PCBP2: variants seen among roughly 807,000 people sequenced by gnomAD.
PCBP2 encodes poly(rC) binding protein 2.
PCBP2 carries 4 observed loss-of-function variants against 50.1 expected under a neutral mutation model. That is an observed-to-expected ratio of 0.08 (90% CI 0.04 to 0.18). PCBP2 has a LOEUF of 0.18. PCBP2 is among the 10% of genes least tolerant of loss of function. The pLI is 1.00. For missense variants in PCBP2, 161 were observed against 474.3 expected (o/e 0.34, Z 6.14); for synonymous variants, 179 against 168.0 (o/e 1.07, Z -0.51).
chr12:53,462,678 G>T, intron 8 of PCBP2, 111 bp downstream of exon 8: 1 of 745,924 alleles, frequency 1.3e-6, no homozygotes, highest in Non-Finnish European at 2.1e-6. Context: ...CCTATACTCT[G>T]GCCATAGTTT....
intron 9 of PCBP2, among the ~76,000 whole-genome samples, chr12:53,465,487 A>T (rs1941752918): frequency 6.6e-6 from 1 of 152,162 alleles, no homozygotes; most frequent in African/African-American, 2.4e-5. Flanking sequence ...GAAGTGTTTT[A>T]AAACATACCA....
intron 6 of PCBP2, chr12:53,459,731 C>T (rs977537984): frequency 1.4e-5 from 4 of 279,510 alleles, no homozygotes; most frequent in Non-Finnish European, 2.2e-5. Flanking sequence ...ATAGTAGCAA[C>T]GGTTTTTCTA....
intron 12 of PCBP2, chr12:53,468,518 C>T (rs1941975798): frequency 1.2e-5 from 6 of 502,068 alleles, no homozygotes; most frequent in Non-Finnish European, 2.1e-5. Context: ...TTGCTTCCAT[C>T]CCCCATCCCT....
At chr12:53,455,416 G>T (rs759349413) in intron 3 of PCBP2, 45 bp from the exon 4 acceptor site, 2 of 1,613,850 alleles carry the variant, frequency 1.2e-6, no homozygotes, top group Non-Finnish European at 1.7e-6. Flanking sequence ...AGTAATTCTG[G>T]ATTGAAGTAG....
At chr12:53,455,407 G>A in intron 3 of PCBP2, 37 bp downstream of exon 3, 1 of 1,613,838 alleles carries the variant, frequency 6.2e-7, no homozygotes, top group Admixed American at 1.7e-5. Flanking sequence ...TTACCATTTA[G>A]TAATTCTGGA....
At chr12:53,464,679 C>CT (rs1307148685) in intron 8 of PCBP2, 81 bp from the exon 9 acceptor site, 4 of 1,543,768 alleles carry the variant, frequency 2.6e-6, no homozygotes, top group East Asian at 4.9e-5. Context: ...AAATAAACAA[C>CT]TTTTTTTGTG....
chr12:53,469,656 G>A (rs1286614601), intron 13 of PCBP2, among the ~76,000 whole-genome samples: 1 of 152,120 alleles, frequency 6.6e-6, no homozygotes, highest in African/African-American at 2.4e-5. Flanking sequence ...AAACCCGGGA[G>A]GCGGAGGTTG....
At chr12:53,463,977 G>A (rs1941629694) in intron 8 of PCBP2, among the ~76,000 whole-genome samples, 1 of 152,120 alleles carries the variant, frequency 6.6e-6, no homozygotes, top group Non-Finnish European at 1.5e-5. Context: ...CAGGAAGGTC[G>A]GTTATGTCAC....
At chr12:53,468,431 CAACAG>C (rs767465201) in intron 12 of PCBP2, 26 of 298,596 alleles carry the variant, frequency 8.7e-5, no homozygotes, top group Non-Finnish European at 1.3e-4. Context: ...ATTTGGAACA[CAACAG>C]GAAAGGGGTA....
Position 53,459,282 on chromosome 12 carries a change from G to A in PCBP2, c.254G>A (p.Ser85Asn), listed in dbSNP as rs756139507. The stretch of plus-strand genomic sequence containing the variant: ...TCTTTCTTTCTGTAGGACATAAGCA[G>A]CTCTATGACCAATAGCACAGCTGCC... ...IIDKLEEDIS[S>N]SMTNSTAASR... Residue 85 changes from serine to asparagine, a missense_variant, in exon 6 of 15, where the codon AGC becomes AAC. Transcript: ENST00000546463. 2.5e-6 allele frequency: 4 copies of A among 1,610,750 alleles called. No individual in the cohort carries two copies. Among genetic ancestry groups the A allele is most frequent in the Non-Finnish European group, 2.5e-6 (3 of 1,178,326 alleles).
intron 4 of PCBP2, among the ~76,000 whole-genome samples, 153 bp downstream of exon 4, chr12:53,455,646 A>AC (rs574807207): frequency 6.7e-6 from 1 of 149,034 alleles, no homozygotes; most frequent in African/African-American, 2.5e-5. Context: ...TGGGGAGTGT[A>AC]TTTTTTTTTT....
rs1272493224 is a variant in PCBP2, at chr12:53,452,235, C to T, written c.-217C>T. On this transcript the variant is annotated 5_prime_UTR_variant, in exon 1 of 15. Transcript: ENST00000546463. ...GTCTCTTTCCCCCTTCCTCCTCCTC[C>T]TCCTCCACCCCCCCTTCCTCCTCCG... 2 of 130,068 alleles carry T rather than the reference C, an allele frequency of 1.5e-5. No homozygotes were observed. The highest frequency in any genetic ancestry group is 5.8e-5 in the African/African-American group (2 of 34,258). The allele number at this position is 130,068 out of a possible 1,614,324, so 8.1% of individuals were successfully genotyped here.
intron 14 of PCBP2, among the ~76,000 whole-genome samples, chr12:53,472,286 C>CATGCA (rs1942296833): frequency 1.3e-5 from 2 of 152,208 alleles, no homozygotes; most frequent in Admixed American, 1.3e-4. Context: ...TTTTCTCACA[C>CATGCA]TGCATGTGTG....
chr12:53,466,486 T>C (rs1356089270), intron 10 of PCBP2, among the ~76,000 whole-genome samples: 1 of 152,206 alleles, frequency 6.6e-6, no homozygotes, highest in Non-Finnish European at 1.5e-5. Context: ...CCTTTCTTGC[T>C]GCTAAAACCT....
Position 53,468,334 on chromosome 12 carries a change from C to T in PCBP2, c.827-443C>T, listed in dbSNP as rs78289119. ...TAATCTGATACAGGTATATTTAAAG[C>T]AACTCTGCATGTGTGCCAGAAGTCC... On this transcript the variant is annotated intron_variant, in intron 12 of 14. Transcript: ENST00000546463. The T allele has an allele frequency of 8.3e-3, 1,677 of 203,088 alleles. 21 individuals are homozygous for T. The highest frequency in any genetic ancestry group is 0.037 in the African/African-American group (1,583 of 42,658). The allele number at this position is 203,088 out of a possible 1,614,324, so 12.6% of individuals were successfully genotyped here.
intron 13 of PCBP2, among the ~76,000 whole-genome samples, chr12:53,469,452 G>C (rs1041087432): frequency 6.6e-5 from 10 of 151,984 alleles, no homozygotes; most frequent in African/African-American, 2.2e-4. Context: ...TGGGCACGGT[G>C]GCTCACTCCT....
chr12:53,471,902 G>A (rs1942261679), intron 14 of PCBP2, 95 bp downstream of exon 14: 9 of 921,288 alleles, frequency 9.8e-6, no homozygotes, highest in South Asian at 2.3e-5. Context: ...TTACATGGGC[G>A]ATGGGTAAAG....
intron 12 of PCBP2, 158 bp downstream of exon 12, chr12:53,468,001 C>T (rs1941936247): frequency 4.7e-6 from 3 of 633,366 alleles, no homozygotes; most frequent in African/African-American, 1.8e-5. Context: ...CCGAGGGTCC[C>T]TTGATGGATC....
intron 14 of PCBP2, among the ~76,000 whole-genome samples, chr12:53,478,653 AAGTAGCTGGG>A (rs368032469): frequency 9.5e-4 from 144 of 152,210 alleles, no homozygotes; most frequent in East Asian, 3.1e-3. Context: ...ATAATAGAAA[AAGTAGCTGGG>A]AGTGGTGGTG....
Sources: allele counts gnomAD v4.1 joint callset (sites outside exome capture counted in the v4.1 genomes callset), GRCh38; gene constraint gnomAD v4.1.1; transcripts MANE v1.5; gene names NCBI Gene and HGNC (gene_info 2026-07-23, HGNC 2026-07-21).